The following TRANK1 variants were observed in gnomAD, a reference collection of about 807,000 sequenced individuals.
The protein encoded by TRANK1 is tetratricopeptide repeat and ankyrin repeat containing 1.
In TRANK1, 198 loss-of-function variants were observed where a neutral mutation model predicts 266.0. That is an observed-to-expected ratio of 0.74 (90% CI 0.66 to 0.84). The LOEUF is 0.84. TRANK1 is among the 40% of genes least tolerant of loss of function. The probability of loss-of-function intolerance (pLI) is 0.00; values close to 1 mark genes in which losing one functional copy is unlikely to be tolerated. For missense variants in TRANK1, 3,326 were observed against 3,634.6 expected (o/e 0.92, Z 2.18); for synonymous variants, 1,396 against 1,384.1 (o/e 1.01, Z -0.19).
chr3:36,915,752 AG>A (rs1453811791), intron 1 of TRANK1, among the ~76,000 whole-genome samples: 2 of 152,224 alleles, frequency 1.3e-5, no homozygotes, highest in Non-Finnish European at 2.9e-5. Context: ...AGGCTGTAAC[AG>A]GAGATCACAG....
At position 36,879,643 on chromosome 3, in the gene TRANK1, C is replaced by CAAATATATATAAATATAT. The variant is rs1287978293; in HGVS notation, c.908-5365_908-5348dup. On this transcript the variant is annotated intron_variant, in intron 8 of 23. Transcript: ENST00000645898. ...ATATATATAAATATATATAAATATA[C>CAAATATATATAAATATAT]AAATATATATAAATATATAAATATA... Among the ~76,000 whole-genome samples the CAAATATATATAAATATAT allele has an allele frequency of 2.0e-4, 10 of 49,488 alleles. 1 individual carries two copies. The highest frequency in any genetic ancestry group is 1.4e-3 in the East Asian group (1 of 704). 32.5% of individuals were successfully genotyped at this position (49,488 alleles called of 152,430 possible). A position where few individuals can be genotyped will look rare whatever the true frequency, so the allele number is the denominator to read the frequency against.
At chr3:36,900,972 C>T (rs148883097) in intron 3 of TRANK1, among the ~76,000 whole-genome samples, 163 of 149,982 alleles carry the variant, frequency 1.1e-3, no homozygotes, top group African/African-American at 3.7e-3. Context: ...TTTGTTTTAA[C>T]TTTCATTTTG....
At chr3:36,890,516 C>G (rs182777786) in intron 7 of TRANK1, among the ~76,000 whole-genome samples, 18 of 152,230 alleles carry the variant, frequency 1.2e-4, no homozygotes, top group African/African-American at 4.3e-4. Context: ...TTTCTGTTGA[C>G]AAAGAGCAAC....
rs763780487 is a variant in TRANK1, at chr3:36,829,661, C to T, written c.8712G>A (p.Ala2904=). The T allele has an allele frequency of 1.2e-5, 20 of 1,613,498 alleles. No homozygotes were observed. The highest frequency in any genetic ancestry group is 2.2e-5 in the East Asian group (1 of 44,906). The change falls in exon 23 of 24, where the codon GCG becomes GCA. Residue 2904 remains alanine (A), a splice_region_variant and synonymous_variant. Transcript: ENST00000645898. ...TGACCAGCCGAGTCATCGCCTCCTC[C>T]GCTTCAGAAACCAAAGAACATGGCT... The part of the protein sequence containing the change: ...DLYRRKAWAG[A]EEAMTRLVNI...
rs1361903596 is a variant in TRANK1 at position 36,834,629 on chromosome 3, A to G, written c.5663+133T>C. On this transcript the variant is annotated intron_variant, in intron 21 of 23. Coordinates refer to ENST00000645898, the MANE Select transcript of TRANK1 (RefSeq NM_001329998.2). ...GAGCTGCTGACCCAGCACTGAGGCC[A>G]TCGCTTAAGTGGAAAGGGAGCAATG... 2.0e-5 allele frequency: 20 copies of G among 1,011,440 alleles called. No individual in the cohort carries two copies. In the Admixed American group the frequency reaches 5.3e-4, roughly 27 times the overall value. The allele number at this position is 1,011,440 out of a possible 1,614,324, so 62.7% of individuals were successfully genotyped here. A position where few individuals can be genotyped will look rare whatever the true frequency, so the allele number is the denominator to read the frequency against.
chr3:36,849,262 A>G (rs1464982301), intron 15 of TRANK1, among the ~76,000 whole-genome samples: 1 of 152,284 alleles, frequency 6.6e-6, no homozygotes, highest in Admixed American at 6.5e-5. Flanking sequence ...CCACTGGGGC[A>G]AGGTATAAAT....
chr3:36,830,904 C>A lies in TRANK1; in HGVS notation c.8679G>T (p.Glu2893Asp). 1 of 1,612,562 alleles carries A rather than the reference C, an allele frequency of 6.2e-7. No individual in the cohort carries two copies. The highest frequency in any genetic ancestry group is 8.5e-7 in the Non-Finnish European group (1 of 1,178,880). The change falls in exon 22 of 24, where the codon GAG becomes GAT. Residue 2893 changes from glutamate (E) to aspartate (D), a missense_variant. Transcript: ENST00000645898. ...CCCAGGCCTTCCGCCTGTAGAGGTC[C>A]TCCACCATATCCGAAACCCTCTTGA... ...EHIKRVSDMV[E>D]DLYRRKAWAG...
intron 13 of TRANK1, among the ~76,000 whole-genome samples, chr3:36,853,983 A>T (rs543929598): frequency 1.1e-4 from 17 of 152,338 alleles, no homozygotes; most frequent in Non-Finnish European, 2.1e-4. Context: ...AAAAAACACT[A>T]AACTGAACAT....
intron 1 of TRANK1, among the ~76,000 whole-genome samples, chr3:36,934,268 A>G (rs2080395563): frequency 6.6e-6 from 1 of 152,174 alleles, no homozygotes; most frequent in South Asian, 2.1e-4. Context: ...TCCTACCCTG[A>G]GAAGAAGCCA....
In TRANK1 at chr3:36,855,180, G is replaced by T; in HGVS notation, c.4542C>A (p.Ser1514=). The T allele has an allele frequency of 6.2e-7, 1 of 1,609,584 alleles. No homozygotes were observed. The highest frequency in any genetic ancestry group is 2.2e-5 in the East Asian group (1 of 44,788). Residue 1514 remains serine, a synonymous_variant, in exon 13 of 24, where the codon TCC becomes TCA. Transcript: ENST00000645898. The part of the protein sequence containing the change: ...KIHQLYQNYR[S]HSGILNLASG... ...CCCAAGAGCTGGACTTACCTGAGTGGGACCTGTAATTCTGGTACAGCTGGT... is the reference window on the plus strand; with the variant it reads ...CCCAAGAGCTGGACTTACCTGAGTGTGACCTGTAATTCTGGTACAGCTGGT...
intron 20 of TRANK1, among the ~76,000 whole-genome samples, chr3:36,837,061 C>T (rs531646817): frequency 4.1e-4 from 63 of 152,338 alleles, no homozygotes; most frequent in Non-Finnish European, 8.2e-4. Context: ...GTCATCTCAC[C>T]CAAACTGACT....
In TRANK1 at chr3:36,898,191, G is replaced by A. The variant is rs143184300; in HGVS notation, c.433+918C>T. On this transcript the variant is annotated intron_variant, in intron 4 of 23. Transcript: ENST00000645898. ...GGAAAGTCCAGGCATGGTGGCTTAC[G>A]CCTGTAATCTCAGCACTTTAGGAGG... Among the ~76,000 whole-genome samples, 1,005 of 152,330 alleles carry A rather than the reference G, an allele frequency of 6.6e-3. 7 individuals are homozygous for A. Among genetic ancestry groups the A allele is most frequent in the Non-Finnish European group, 9.3e-3 (633 of 68,026 alleles).
chr3:36,860,448 A>G (rs565704589), intron 11 of TRANK1, among the ~76,000 whole-genome samples: 7 of 152,250 alleles, frequency 4.6e-5, no homozygotes, highest in African/African-American at 1.7e-4. Flanking sequence ...GCTTCCACCC[A>G]CCAATTACTT....
Position 36,832,155 on chromosome 3 carries a change from T to C in TRANK1, c.7428A>G (p.Leu2476=), listed in dbSNP as rs369691962. The change falls in exon 22 of 24, where the codon CTA becomes CTG. Residue 2476 remains leucine, a synonymous_variant. Coordinates refer to ENST00000645898, the MANE Select transcript of TRANK1 (RefSeq NM_001329998.2). ...VLARLWKNVI[L]CLPKSYIALL... is the part of the protein sequence containing the mutation. ...GTGCAATGTAGCTCTTGGGGAGGCA[T>C]AGAATGACATTCTTCCAGAGGCGGG... The C allele has an allele frequency of 9.9e-5, 159 of 1,613,796 alleles. No individual in the cohort carries two copies. The highest frequency in any genetic ancestry group is 4.9e-4 in the Middle Eastern group (3 of 6,084).
intron 8 of TRANK1, among the ~76,000 whole-genome samples, chr3:36,888,142 C>A (rs1370939022): frequency 6.6e-6 from 1 of 152,120 alleles, no homozygotes; most frequent in East Asian, 1.9e-4. Flanking sequence ...TATATTTATA[C>A]AATAGACTAT....
intron 13 of TRANK1, among the ~76,000 whole-genome samples, chr3:36,853,616 C>A (rs1028077383): frequency 2.6e-5 from 4 of 152,114 alleles, no homozygotes; most frequent in African/African-American, 7.2e-5. Context: ...ACTTAAATGG[C>A]CTTCTAGGGA....
chr3:36,889,704 G>A (rs2125602269), intron 8 of TRANK1, 125 bp downstream of exon 8: 1 of 1,287,978 alleles, frequency 7.8e-7, no homozygotes, highest in Non-Finnish European at 1.0e-6. Flanking sequence ...TTAGTTCAAG[G>A]GGAAGTTTAG....
At chr3:36,863,234 C>G (rs1392516776) in intron 10 of TRANK1, among the ~76,000 whole-genome samples, 1 of 152,114 alleles carries the variant, frequency 6.6e-6, no homozygotes, top group Non-Finnish European at 1.5e-5. Flanking sequence ...GGAACACAGG[C>G]CATAAGACAC....
At chr3:36,916,979 C>T (rs1205949568) in intron 1 of TRANK1, among the ~76,000 whole-genome samples, 1 of 151,942 alleles carries the variant, frequency 6.6e-6, no homozygotes, top group Non-Finnish European at 1.5e-5. Flanking sequence ...CCACGCCTGG[C>T]TAATTTTTTA....
Sources: allele counts gnomAD v4.1 joint callset (sites outside exome capture counted in the v4.1 genomes callset), GRCh38; gene constraint gnomAD v4.1.1; transcripts MANE v1.5; gene names NCBI Gene and HGNC (gene_info 2026-07-23, HGNC 2026-07-21).